The following ZNF423 variants were observed in gnomAD, a reference collection of about 807,000 sequenced individuals.
ZNF423 encodes Ebf-associated zinc finger protein.
Under a neutral mutation model 95.8 loss-of-function variants are expected in ZNF423, and 12 were observed. The ratio of observed to expected loss-of-function variants is 0.13; its 90% CI spans 0.08 to 0.20. ZNF423 has a LOEUF of 0.20. Ranked by LOEUF, ZNF423 falls within the 10% of genes least tolerant of loss-of-function variation. The probability of loss-of-function intolerance (pLI) is 1.00; values close to 1 mark genes in which losing one functional copy is unlikely to be tolerated. For synonymous variants in ZNF423, 749 were observed against 711.9 expected (o/e 1.05, Z -0.83); for missense variants, 1,316 against 1,737.1 (o/e 0.76, Z 4.31).
chr16:49,622,576 C>G (rs1303052696), intron 5 of ZNF423, among the ~76,000 whole-genome samples: 1 of 152,238 alleles, frequency 6.6e-6, no homozygotes, highest in East Asian at 1.9e-4. Flanking sequence ...GGGCCCTGTT[C>G]TGGGAGCACC....
At chr16:49,738,627 G>T (rs2033345920) in intron 2 of ZNF423, among the ~76,000 whole-genome samples, 1 of 152,148 alleles carries the variant, frequency 6.6e-6, no homozygotes, top group Non-Finnish European at 1.5e-5. Context: ...GGCCAGAGCA[G>T]GGATGGACGG....
intron 3 of ZNF423, among the ~76,000 whole-genome samples, chr16:49,714,817 A>G (rs1247562061): frequency 6.6e-6 from 1 of 152,040 alleles, no homozygotes; most frequent in Non-Finnish European, 1.5e-5. Flanking sequence ...TGCCCCCTCC[A>G]CTGAAGACCG....
chr16:49,539,224 T>G (rs1381427330), intron 5 of ZNF423, among the ~76,000 whole-genome samples: 1 of 152,072 alleles, frequency 6.6e-6, no homozygotes, highest in African/African-American at 2.4e-5. Context: ...CCATCCCAAA[T>G]GCAGGAACCC....
At chr16:49,761,690 C>T (rs987432855) in intron 2 of ZNF423, among the ~76,000 whole-genome samples, 1 of 152,214 alleles carries the variant, frequency 6.6e-6, no homozygotes, top group African/African-American at 2.4e-5. Context: ...CAACTCCTTC[C>T]TCCATTTCCT....
At chr16:49,578,700 T>C (rs1970574817) in intron 5 of ZNF423, among the ~76,000 whole-genome samples, 1 of 152,194 alleles carries the variant, frequency 6.6e-6, no homozygotes, top group Admixed American at 6.5e-5. Context: ...GTAGGCAGCC[T>C]GGAAGGGAGG....
intron 3 of ZNF423, among the ~76,000 whole-genome samples, chr16:49,698,831 AGAG>A (rs1393118912): frequency 6.6e-6 from 1 of 152,246 alleles, no homozygotes; most frequent in African/African-American, 2.4e-5. Flanking sequence ...AACCTTCTGA[AGAG>A]AAGAAAGAAC....
chr16:49,839,142 G>T (rs1597054562), intron 1 of ZNF423, among the ~76,000 whole-genome samples: 1 of 76,132 alleles, frequency 1.3e-5, no homozygotes. Flanking sequence ...CCCCTCCCCC[G>T]CGGTTTCTCC....
chr16:49,749,538 G>A (rs971470158), intron 2 of ZNF423, among the ~76,000 whole-genome samples: 5 of 152,380 alleles, frequency 3.3e-5, no homozygotes, highest in African/African-American at 1.2e-4. Context: ...GCTTGGGGCT[G>A]TGACCACTTT....
chr16:49,767,024 G>T (rs1196408138), intron 2 of ZNF423, among the ~76,000 whole-genome samples: 9 of 150,692 alleles, frequency 6.0e-5, no homozygotes, highest in Non-Finnish European at 1.0e-4. Flanking sequence ...AAGCTGTAGT[G>T]CAGTGGTGCA....
intron 3 of ZNF423, among the ~76,000 whole-genome samples, chr16:49,724,776 A>G (rs531570020): frequency 6.6e-6 from 1 of 152,294 alleles, no homozygotes; most frequent in Admixed American, 6.5e-5. Flanking sequence ...TTCGCCAGAA[A>G]AGGAGGGCCT....
At chr16:49,676,676 G>A (rs1049293473) in intron 3 of ZNF423, among the ~76,000 whole-genome samples, 5 of 152,168 alleles carry the variant, frequency 3.3e-5, no homozygotes, top group African/African-American at 1.2e-4. Context: ...CACCCTAGAT[G>A]GGCATGGAAA....
chr16:49,528,401 A>G (rs1968702129), intron 5 of ZNF423, among the ~76,000 whole-genome samples: 1 of 152,114 alleles, frequency 6.6e-6, no homozygotes, highest in South Asian at 2.1e-4. Context: ...GCTACCATTT[A>G]AGCAGATCAC....
chr16:49,668,636 T>G (rs968302911), intron 3 of ZNF423, among the ~76,000 whole-genome samples: 1 of 151,934 alleles, frequency 6.6e-6, no homozygotes, highest in Non-Finnish European at 1.5e-5. Flanking sequence ...GGCAGGAGGG[T>G]CAGAGCCACC....
At chr16:49,550,230 A>G (rs889020556) in intron 5 of ZNF423, among the ~76,000 whole-genome samples, 1 of 152,218 alleles carries the variant, frequency 6.6e-6, no homozygotes, top group Non-Finnish European at 1.5e-5. Context: ...GCTGCACATT[A>G]ATACACATGG....
rs543863623 is a variant in ZNF423, at chr16:49,593,905, T to C, written c.3601+32265A>G. ...GGGCTCAGAAGGCAGCAGAAATCTC[T>C]ATCTGTAAGAGGCTCCTCCTGGCCC... On this transcript the variant is annotated intron_variant, in intron 5 of 7. Coordinates refer to ENST00000563137, the MANE Select transcript of ZNF423 (RefSeq NM_001379286.1). Among the ~76,000 whole-genome samples the C allele has an allele frequency of 3.9e-5, 6 of 152,192 alleles. No individual in the cohort carries two copies. In the East Asian group the frequency reaches 1.2e-3, roughly 29 times the overall value.
intron 2 of ZNF423, among the ~76,000 whole-genome samples, chr16:49,767,712 A>G (rs1596986960): frequency 2.0e-5 from 3 of 152,176 alleles, no homozygotes; most frequent in Non-Finnish European, 4.4e-5. Context: ...CCCCAAGAAC[A>G]TGCCCTCAAA....
chr16:49,668,783 G>A (rs1039207066), intron 3 of ZNF423, among the ~76,000 whole-genome samples: 23 of 152,288 alleles, frequency 1.5e-4, no homozygotes, highest in African/African-American at 5.1e-4. Context: ...AAGGAGGGGT[G>A]GGCAGGGAGG....
chr16:49,517,911 T>TA, intron 7 of ZNF423: 2 of 448,462 alleles, frequency 4.5e-6, no homozygotes. Flanking sequence ...TGAGCAAAGG[T>TA]AAAAAAGAAA....
intron 1 of ZNF423, among the ~76,000 whole-genome samples, chr16:49,844,573 T>C (rs1468871): frequency 0.18 from 28,036 of 152,210 alleles, 2,994 homozygotes; most frequent in Middle Eastern, 0.29. Context: ...CAAAGGCCTG[T>C]GCTCCCTCTC....
Sources: gnomAD v4.1 joint callset for allele counts (sites outside exome capture counted in the v4.1 genomes callset) on GRCh38, gnomAD v4.1.1 for gene constraint, MANE v1.5 for transcripts, NCBI Gene and HGNC (gene_info 2026-07-23, HGNC 2026-07-21) for gene names.